Variants in S100A8 observed in about 807,000 individuals in gnomAD.
S100A8 encodes S100 calcium binding protein A8.
In S100A8, 1 loss-of-function variant was observed where a neutral mutation model predicts 4.2. The ratio of observed to expected loss-of-function variants is 0.24; its 90% CI spans 0.08 to 1.12. The LOEUF is 1.12. S100A8 is among the 50% of genes most tolerant of loss of function. The pLI, the probability that S100A8 is intolerant of heterozygous loss-of-function variation, is 0.53. For synonymous variants in S100A8, 41 were observed against 44.7 expected (o/e 0.92, Z 0.33); for missense variants, 96 against 111.8 (o/e 0.86, Z 0.64).
At chr1:153,404,841 T>C in the S100A8 span, among the ~76,000 whole-genome samples, 1 of 151,986 alleles carries the variant, frequency 6.6e-6, no homozygotes, top group Admixed American at 6.6e-5. Flanking sequence ...ACTCACAACC[T>C]ACAGAAGGGC....
At chr1:153,418,146 G>C in the S100A8 span, 1 of 1,614,032 alleles carries the variant, frequency 6.2e-7, no homozygotes, top group Non-Finnish European at 8.5e-7. Context: ...CAAATACACC[G>C]GACGTGATGG....
the S100A8 span, among the ~76,000 whole-genome samples, chr1:153,410,745 C>T: frequency 6.6e-6 from 1 of 152,138 alleles, no homozygotes; most frequent in African/African-American, 2.4e-5. Context: ...AAAATACTGG[C>T]AAACCAAATC....
At chr1:153,410,742 T>C in the S100A8 span, among the ~76,000 whole-genome samples, 1 of 152,168 alleles carries the variant, frequency 6.6e-6, no homozygotes, top group Non-Finnish European at 1.5e-5. Flanking sequence ...AATAAAATAC[T>C]GGCAAACCAA....
At chr1:153,390,635 C>G in intron 1 of S100A8, 78 bp from the exon 2 acceptor site, 1 of 1,544,452 alleles carries the variant, frequency 6.5e-7, no homozygotes, top group Non-Finnish European at 8.8e-7. Context: ...AGGATTCATG[C>G]CCCAAGCGAT....
At chr1:153,391,281 G>A, upstream of S100A8, 2 of 834,418 alleles carry the variant, frequency 2.4e-6, no homozygotes, top group South Asian at 1.1e-4. Flanking sequence ...CTGGGCAATA[G>A]TGCCCAGAAG....
the S100A8 span, among the ~76,000 whole-genome samples, chr1:153,414,595 G>A: frequency 1.3e-5 from 2 of 152,154 alleles, no homozygotes; most frequent in African/African-American, 4.8e-5. Context: ...CCCAAAATCT[G>A]GAACACTGAC....
At chr1:153,416,850 G>T in the S100A8 span, among the ~76,000 whole-genome samples, 1 of 152,226 alleles carries the variant, frequency 6.6e-6, no homozygotes, top group Non-Finnish European at 1.5e-5. Context: ...TTTCCTTCCT[G>T]TCTTCTTCCT....
upstream of S100A8, among the ~76,000 whole-genome samples, chr1:153,395,753 T>C (rs1036720024): frequency 5.3e-5 from 8 of 152,194 alleles, no homozygotes; most frequent in Non-Finnish European, 1.2e-4. Context: ...ACCCACCCAT[T>C]CAAGCTGACT....
chr1:153,392,712 G>A (rs1195720227), upstream of S100A8, among the ~76,000 whole-genome samples: 2 of 152,172 alleles, frequency 1.3e-5, no homozygotes, highest in Non-Finnish European at 2.9e-5. Context: ...GTGAAGCTGG[G>A]GATCCACCGT....
At chr1:153,403,602 C>T in the S100A8 span, among the ~76,000 whole-genome samples, 1 of 152,070 alleles carries the variant, frequency 6.6e-6, no homozygotes, top group Admixed American at 6.5e-5. Flanking sequence ...ACCCTGTGGG[C>T]CACGGCCCTG....
At chr1:153,416,669 G>T in the S100A8 span, 7 of 309,390 alleles carry the variant, frequency 2.3e-5, no homozygotes, top group South Asian at 1.7e-4. Context: ...CAGAAGCCTG[G>T]GTCTAGGCCA....
At chr1:153,403,416 T>C in the S100A8 span, among the ~76,000 whole-genome samples, 3 of 152,210 alleles carry the variant, frequency 2.0e-5, no homozygotes, top group African/African-American at 7.2e-5. Flanking sequence ...CTGAGAACAC[T>C]TTATCATGAA....
chr1:153,416,811 C>T, the S100A8 span, among the ~76,000 whole-genome samples: 4 of 152,228 alleles, frequency 2.6e-5, no homozygotes, highest in African/African-American at 9.6e-5. Flanking sequence ...GGAAATGTCC[C>T]CAGTGGGACC....
chr1:153,398,416 C>T, the S100A8 span, among the ~76,000 whole-genome samples: 2 of 152,274 alleles, frequency 1.3e-5, no homozygotes, highest in African/African-American at 2.4e-5. Flanking sequence ...GCAGTCCCTG[C>T]TATCCTTCCC....
chr1:153,404,851 C>A, the S100A8 span, among the ~76,000 whole-genome samples: 4 of 151,968 alleles, frequency 2.6e-5, no homozygotes, highest in African/African-American at 4.8e-5. Flanking sequence ...TACAGAAGGG[C>A]GGGAACCACG....
upstream of S100A8, among the ~76,000 whole-genome samples, chr1:153,394,744 G>T (rs1662175821): frequency 6.6e-6 from 1 of 152,184 alleles, no homozygotes; most frequent in South Asian, 2.1e-4. Context: ...CCCAGAGCCT[G>T]ACTGATGAGA....
chr1:153,421,370 T>C, the S100A8 span: 2 of 152,216 alleles, frequency 1.3e-5, no homozygotes, highest in African/African-American at 2.4e-5. Context: ...TCCCCTAATG[T>C]CTTTCCAGCC....
the S100A8 span, chr1:153,420,866 C>G: frequency 6.6e-6 from 1 of 152,492 alleles, no homozygotes; most frequent in East Asian, 1.9e-4. Flanking sequence ...CAGAATTGCT[C>G]TCTTTCCTCT....
chr1:153,417,478 C>T, the S100A8 span, among the ~76,000 whole-genome samples: 1 of 152,210 alleles, frequency 6.6e-6, no homozygotes, highest in South Asian at 2.1e-4. Context: ...GGCCCCCTGT[C>T]CTCGGGAGAG....
Sources: allele counts gnomAD v4.1 joint callset (sites outside exome capture counted in the v4.1 genomes callset), GRCh38; gene constraint gnomAD v4.1.1; transcripts MANE v1.5; gene names NCBI Gene and HGNC (gene_info 2026-07-23, HGNC 2026-07-21).